Variants in OPCML observed in about 807,000 individuals in gnomAD.
OPCML encodes the protein opioid binding protein/cell adhesion molecule like, also known as opioid-binding protein/cell adhesion molecule.
In OPCML, 13 loss-of-function variants were observed where a neutral mutation model predicts 37.8. The observed-to-expected ratio is 0.34, with a 90% CI of 0.22 to 0.55. OPCML has a LOEUF of 0.55. OPCML is among the 20% of genes least tolerant of loss of function. OPCML has a pLI of 0.91. For missense variants in OPCML, 341 were observed against 435.6 expected, an observed-to-expected ratio of 0.78 and a Z score of 1.93; for synonymous variants, 176 against 168.8, an observed-to-expected ratio of 1.04 and a Z score of -0.33.
At chr11:133,330,002 A>T (rs1470007066) in intron 1 of OPCML, among the ~76,000 whole-genome samples, 2 of 152,134 alleles carry the variant, frequency 1.3e-5, no homozygotes, top group Non-Finnish European at 2.9e-5. Context: ...AAAACAAACA[A>T]CCCCATCAAA....
In OPCML at chr11:133,276,877, T is replaced by C. The variant is rs564273562; in HGVS notation, c.61+255387A>G. ...TACTTAAGATCTTTGAAAGACTTCA[T>C]CCATTTCAATGGCCTCACTTATTTC... On this transcript the variant is annotated intron_variant, in intron 1 of 7. Transcript: ENST00000524381. 3.9e-5 allele frequency among the ~76,000 whole-genome samples: 6 copies of C among 152,334 alleles called. No individual in the cohort carries two copies. In the South Asian group the frequency reaches 1.0e-3, roughly 26 times the overall value.
intron 1 of OPCML, among the ~76,000 whole-genome samples, chr11:132,994,374 G>A (rs61909298): frequency 0.12 from 18,582 of 152,226 alleles, 1,503 homozygotes; most frequent in Non-Finnish European, 0.17. Context: ...AGTACACGGA[G>A]GAGGAGCCTA....
At chr11:132,968,234 TCTTA>T (rs1946257547) in intron 1 of OPCML, among the ~76,000 whole-genome samples, 1 of 152,228 alleles carries the variant, frequency 6.6e-6, no homozygotes, top group South Asian at 2.1e-4. Flanking sequence ...ATGTTTACTC[TCTTA>T]GTCTGTTTTT....
intron 1 of OPCML, among the ~76,000 whole-genome samples, chr11:133,376,478 A>C (rs1944805741): frequency 6.6e-6 from 1 of 152,206 alleles, no homozygotes; most frequent in Non-Finnish European, 1.5e-5. Context: ...AGTCCCCTCA[A>C]AATTACAAAA....
intron 1 of OPCML, among the ~76,000 whole-genome samples, chr11:132,970,294 C>T (rs7947555): frequency 0.13 from 19,671 of 152,122 alleles, 2,886 homozygotes; most frequent in East Asian, 0.34. Flanking sequence ...TATTTATACT[C>T]AGAGAAGTTT....
At chr11:132,872,889 G>C (rs1439693117) in intron 2 of OPCML, among the ~76,000 whole-genome samples, 1 of 151,544 alleles carries the variant, frequency 6.6e-6, no homozygotes, top group South Asian at 2.1e-4. Flanking sequence ...AATGTAAAAT[G>C]AATACTTCTC....
At chr11:133,198,262 C>G (rs1485881488) in intron 1 of OPCML, among the ~76,000 whole-genome samples, 1 of 152,180 alleles carries the variant, frequency 6.6e-6, no homozygotes, top group African/African-American at 2.4e-5. Context: ...GTTTTCATAG[C>G]AAGACGTGTG....
intron 1 of OPCML, among the ~76,000 whole-genome samples, chr11:133,075,889 G>A (rs1416999937): frequency 1.3e-5 from 2 of 152,146 alleles, no homozygotes; most frequent in African/African-American, 4.8e-5. Context: ...CCAAATTCCA[G>A]TCAGCCTGTA....
intron 1 of OPCML, among the ~76,000 whole-genome samples, chr11:133,469,712 G>T (rs950144232): frequency 1.3e-5 from 2 of 152,082 alleles, no homozygotes; most frequent in African/African-American, 4.8e-5. Context: ...TTCTAAGCCT[G>T]CAATGCCCTC....
At chr11:132,997,738 C>T (rs753770123) in intron 1 of OPCML, among the ~76,000 whole-genome samples, 3 of 152,200 alleles carry the variant, frequency 2.0e-5, no homozygotes, top group Non-Finnish European at 4.4e-5. Flanking sequence ...TGGTTGATTC[C>T]AAGAGCCTGT....
intron 1 of OPCML, among the ~76,000 whole-genome samples, chr11:133,496,196 G>A (rs1199058218): frequency 6.6e-6 from 1 of 152,036 alleles, no homozygotes; most frequent in Non-Finnish European, 1.5e-5. Context: ...CTTTGTCAAA[G>A]ATTAGTTGGC....
chr11:132,571,975 T>G (rs2096439708), intron 3 of OPCML, among the ~76,000 whole-genome samples: 1 of 152,166 alleles, frequency 6.6e-6, no homozygotes, highest in African/African-American at 2.4e-5. Flanking sequence ...GTATGTAAGG[T>G]GATACCTCAT....
chr11:132,855,992 A>G (rs995482352), intron 2 of OPCML, among the ~76,000 whole-genome samples: 44 of 152,190 alleles, frequency 2.9e-4, no homozygotes, highest in African/African-American at 1.1e-3. Flanking sequence ...TCAGCTACAT[A>G]TGATTTCACT....
At chr11:133,116,952 A>T (rs889176521) in intron 1 of OPCML, among the ~76,000 whole-genome samples, 5 of 152,070 alleles carry the variant, frequency 3.3e-5, no homozygotes, top group African/African-American at 1.2e-4. Flanking sequence ...CTACATTGTT[A>T]GTTGGAATTA....
intron 1 of OPCML, among the ~76,000 whole-genome samples, chr11:133,467,895 CTT>C (rs767114607): frequency 4.7e-4 from 71 of 152,262 alleles, no homozygotes; most frequent in Non-Finnish European, 7.9e-4. Flanking sequence ...AGAATGGCAG[CTT>C]TGTTTATATC....
chr11:132,463,058 C>G (rs920299297), intron 4 of OPCML, among the ~76,000 whole-genome samples: 5 of 152,184 alleles, frequency 3.3e-5, no homozygotes, highest in African/African-American at 1.2e-4. Flanking sequence ...ACCCACTTAT[C>G]CAATAGTGAA....
chr11:133,485,905 T>C (rs112858888), intron 1 of OPCML, among the ~76,000 whole-genome samples: 1 of 152,324 alleles, frequency 6.6e-6, no homozygotes, highest in Non-Finnish European at 1.5e-5. Context: ...CTGTTTTTTT[T>C]TCTTTTACTT....
intron 1 of OPCML, among the ~76,000 whole-genome samples, chr11:133,108,515 G>T (rs1465341486): frequency 6.6e-6 from 1 of 152,052 alleles, no homozygotes. Context: ...AATGTCGTGC[G>T]CTAGAGCTTT....
Position 132,943,984 on chromosome 11 carries a change from C to A in OPCML, c.62-974G>T, listed in dbSNP as rs569804979. ...CCTGACCGCCACTTTCTCCCGGTGC[C>A]GCCTCGGAGCGAGCGGGCTGGCGGG... On this transcript the variant is annotated intron_variant, in intron 1 of 7. Coordinates refer to ENST00000524381, the MANE Select transcript of OPCML (RefSeq NM_001012393.5). This position sits in a 1 kb window ranked among gnomAD's most constrained non-coding sequence, Gnocchi z 4.3. Among the ~76,000 whole-genome samples, 1 of 151,822 alleles carries A rather than the reference C, an allele frequency of 6.6e-6. No individual in the cohort carries two copies. The highest frequency in any genetic ancestry group is 2.1e-4 in the South Asian group (1 of 4,836).
Sources: gnomAD v4.1 joint callset for allele counts (sites outside exome capture counted in the v4.1 genomes callset) on GRCh38, gnomAD v4.1.1 for gene constraint, Gnocchi (gnomAD v3.1) non-coding constraint, MANE v1.5 for transcripts, NCBI Gene and HGNC (gene_info 2026-07-23, HGNC 2026-07-21) for gene names.